Variants in ZHX3 observed in about 807,000 individuals in gnomAD.
ZHX3 encodes zinc fingers and homeoboxes 3, also known as zinc fingers and homeoboxes protein 3.
In ZHX3, 20 loss-of-function variants were observed where a neutral mutation model predicts 64.5. The observed-to-expected ratio is 0.31, with a 90% CI of 0.22 to 0.45. ZHX3 has a LOEUF of 0.45. ZHX3 is among the 20% of genes least tolerant of loss of function. The pLI, the probability that ZHX3 is intolerant of heterozygous loss-of-function variation, is 1.00. For synonymous variants in ZHX3, 423 were observed against 461.6 expected (o/e 0.92, Z 1.07); for missense variants, 1,041 against 1,195.8 (o/e 0.87, Z 1.91).
At chr20:41,275,214 A>G (rs2043321869) in intron 1 of ZHX3, among the ~76,000 whole-genome samples, 1 of 152,170 alleles carries the variant, frequency 6.6e-6, no homozygotes, top group Admixed American at 6.5e-5. Context: ...GTCAGAAAAT[A>G]CCATCTGTTG....
intron 2 of ZHX3, among the ~76,000 whole-genome samples, chr20:41,206,906 C>T (rs1157702114): frequency 1.3e-5 from 2 of 152,166 alleles, no homozygotes; most frequent in Admixed American, 1.3e-4. Context: ...AGAGAAAGGT[C>T]GGGTTACCCA....
At chr20:41,207,299 C>T (rs1005275053) in intron 2 of ZHX3, among the ~76,000 whole-genome samples, 1 of 152,080 alleles carries the variant, frequency 6.6e-6, no homozygotes, top group Non-Finnish European at 1.5e-5. Context: ...TCACACATAA[C>T]AATATTAACC....
chr20:41,193,739 G>A (rs965397676), intron 3 of ZHX3, among the ~76,000 whole-genome samples: 3 of 147,732 alleles, frequency 2.0e-5, no homozygotes, highest in African/African-American at 7.5e-5. Flanking sequence ...AAGGAGTCTC[G>A]CTCTGTCACC....
chr20:41,262,547 CTCTT>C (rs2042614455), intron 2 of ZHX3, among the ~76,000 whole-genome samples: 1 of 152,214 alleles, frequency 6.6e-6, no homozygotes, highest in Non-Finnish European at 1.5e-5. Context: ...CACTCCCTCT[CTCTT>C]TCTCTCTCTC....
At position 41,219,752 on chromosome 20, in the gene ZHX3, T is replaced by C. The variant is rs142949343; in HGVS notation, c.-150-14686A>G. On this transcript the variant is annotated intron_variant, in intron 2 of 3. Coordinates refer to ENST00000683867, the MANE Select transcript of ZHX3 (RefSeq NM_001384317.1). This position sits in a 1 kb window ranked among gnomAD's most constrained non-coding sequence, Gnocchi z 5.0. The stretch of plus-strand genomic sequence containing the variant: ...TGGGCCTTGCCCTCCACTGGATGCA[T>C]TGAATTTCCCTGCCTACCTGAAGTT... 9.8e-5 allele frequency among the ~76,000 whole-genome samples: 15 copies of C among 152,352 alleles called. No individual in the cohort carries two copies. The highest frequency in any genetic ancestry group is 4.6e-4 in the Admixed American group (7 of 15,306).
intron 2 of ZHX3, among the ~76,000 whole-genome samples, chr20:41,264,954 T>C (rs2146590258): frequency 6.6e-6 from 1 of 152,326 alleles, no homozygotes; most frequent in East Asian, 1.9e-4. Context: ...TACCTATTTA[T>C]TGAACCAAAT....
intron 2 of ZHX3, among the ~76,000 whole-genome samples, chr20:41,207,704 G>A (rs1297951508): frequency 6.6e-6 from 1 of 152,232 alleles, no homozygotes; most frequent in Non-Finnish European, 1.5e-5. Context: ...AGTGTGTAGA[G>A]GGAAATTTAT....
At chr20:41,309,142 C>G (rs917801032) in intron 1 of ZHX3, among the ~76,000 whole-genome samples, 2 of 152,120 alleles carry the variant, frequency 1.3e-5, no homozygotes, top group African/African-American at 4.8e-5. Flanking sequence ...TCTGTCATTA[C>G]TAGCTGTCCC....
In ZHX3 at chr20:41,296,225, C is replaced by T. The variant is rs1268799347; in HGVS notation, c.-245+21284G>A. Among the ~76,000 whole-genome samples, 6 of 82,922 alleles carry T rather than the reference C, an allele frequency of 7.2e-5. No individual in the cohort carries two copies. The East Asian group carries it at 1.4e-3, about 19-fold the overall frequency. The allele number at this position is 82,922 out of a possible 152,430, so 54.4% of individuals were successfully genotyped here. A position where few individuals can be genotyped will look rare whatever the true frequency, so the allele number is the denominator to read the frequency against. ...TCTTCTTTTCCCTTCTCCTCAAGTTCATAAAGTAAAAAAAAAAAAAAAAAA... is the reference window on the plus strand; with the variant it reads ...TCTTCTTTTCCCTTCTCCTCAAGTTTATAAAGTAAAAAAAAAAAAAAAAAA... On this transcript the variant is annotated intron_variant, in intron 1 of 3. Coordinates refer to ENST00000683867, the MANE Select transcript of ZHX3 (RefSeq NM_001384317.1).
At chr20:41,292,502 C>T (rs1008491484) in intron 1 of ZHX3, among the ~76,000 whole-genome samples, 1 of 152,186 alleles carries the variant, frequency 6.6e-6, no homozygotes, top group African/African-American at 2.4e-5. Context: ...CACCTCTCCC[C>T]TAAGCTAAAA....
chr20:41,306,914 A>T (rs1190498204), intron 1 of ZHX3, among the ~76,000 whole-genome samples: 2 of 152,200 alleles, frequency 1.3e-5, no homozygotes, highest in African/African-American at 4.8e-5. Context: ...GAAAGGAAAA[A>T]TTGAATGCAA....
At chr20:41,303,874 A>ATT (rs1194876169) in intron 1 of ZHX3, among the ~76,000 whole-genome samples, 1 of 152,068 alleles carries the variant, frequency 6.6e-6, no homozygotes, top group Admixed American at 6.5e-5. Flanking sequence ...GAGCTCTTTT[A>ATT]AGCATCAGCA....
chr20:41,250,845 A>G (rs1383873443), intron 2 of ZHX3, among the ~76,000 whole-genome samples: 1 of 152,206 alleles, frequency 6.6e-6, no homozygotes, highest in Non-Finnish European at 1.5e-5. Flanking sequence ...CAGGTTTCTT[A>G]TCTAAAACCA....
At chr20:41,297,074 G>C (rs1007188373) in intron 1 of ZHX3, among the ~76,000 whole-genome samples, 1 of 152,172 alleles carries the variant, frequency 6.6e-6, no homozygotes, top group African/African-American at 2.4e-5. Context: ...AGTTGAGAAT[G>C]CCAACTTTTC....
chr20:41,188,211 C>A (rs983433206), intron 3 of ZHX3, among the ~76,000 whole-genome samples: 1 of 152,114 alleles, frequency 6.6e-6, no homozygotes, highest in Non-Finnish European at 1.5e-5. Context: ...AACATAATGA[C>A]CTCCAGTTCT....
intron 1 of ZHX3, among the ~76,000 whole-genome samples, chr20:41,285,986 GGAT>G (rs2043917302): frequency 6.6e-6 from 1 of 152,152 alleles, no homozygotes; most frequent in South Asian, 2.1e-4. Flanking sequence ...ATATTGACAA[GGAT>G]GAGAAACATT....
At chr20:41,301,560 C>A (rs540310849) in intron 1 of ZHX3, among the ~76,000 whole-genome samples, 4 of 152,280 alleles carry the variant, frequency 2.6e-5, no homozygotes, top group East Asian at 1.9e-4. Context: ...TCCTCCTTTA[C>A]CAGGAACTAG....
intron 1 of ZHX3, among the ~76,000 whole-genome samples, chr20:41,303,773 G>C (rs150499292): frequency 1.3e-5 from 2 of 151,826 alleles, no homozygotes; most frequent in East Asian, 3.9e-4. Flanking sequence ...TCCTTTCCTC[G>C]GCCTCTGAAC....
intron 2 of ZHX3, among the ~76,000 whole-genome samples, chr20:41,245,420 C>G (rs1370587493): frequency 6.6e-6 from 1 of 152,222 alleles, no homozygotes; most frequent in Admixed American, 6.5e-5. Flanking sequence ...GGGCTCTAAT[C>G]TGTGTCAGGT....
Sources: gnomAD v4.1 joint callset for allele counts (sites outside exome capture counted in the v4.1 genomes callset) on GRCh38, gnomAD v4.1.1 for gene constraint, Gnocchi (gnomAD v3.1) non-coding constraint, MANE v1.5 for transcripts, NCBI Gene and HGNC (gene_info 2026-07-23, HGNC 2026-07-21) for gene names.